Variants in TADA2B observed in about 807,000 individuals in gnomAD.
The protein encoded by TADA2B is transcriptional adapter 2-beta.
A neutral mutation model predicts 34.5 loss-of-function variants in TADA2B; 13 were observed. The ratio of observed to expected loss-of-function variants is 0.38; its 90% CI spans 0.25 to 0.60. The LOEUF is 0.60. Ranked by LOEUF, TADA2B falls within the 20% of genes least tolerant of loss-of-function variation. The pLI, the probability that TADA2B is intolerant of heterozygous loss-of-function variation, is 0.65. For missense variants in TADA2B, 442 were observed against 575.0 expected, an observed-to-expected ratio of 0.77 and a Z score of 2.37; for synonymous variants, 240 against 243.4, an observed-to-expected ratio of 0.99 and a Z score of 0.13.
intron 1 of TADA2B, among the ~76,000 whole-genome samples, chr4:7,044,188 G>T (rs758824990): frequency 7.9e-5 from 12 of 152,256 alleles, no homozygotes; most frequent in Admixed American, 3.3e-4. Context: ...TGCCTTACCT[G>T]AGTTCGTGGA....
chr4:7,054,247 C>T lies in TADA2B; in HGVS notation c.456C>T (p.Pro152=). 1.9e-6 allele frequency: 3 copies of T among 1,610,642 alleles called. No homozygotes were observed. The highest frequency in any genetic ancestry group is 1.7e-6 in the Non-Finnish European group (2 of 1,178,634). Residue 152 remains proline, a synonymous_variant, in exon 2 of 2, where the codon CCC becomes CCT. Transcript: ENST00000310074. ...CACCCAGCCTCACCACCCCGCTGCC[C>T]CCGCTGGACATCTCTGTGGCTGAGC... ...PLSPSLTTPL[P]PLDISVAEQQ...
At position 7,054,761 on chromosome 4, in the gene TADA2B, C is replaced by T. The variant is rs757960745; in HGVS notation, c.970C>T (p.Leu324=). ...GGAGAAGAGGAAGGAGAACAAAAAC[C>T]TAGCCGGCTCCAAACGGGGAAAGGA... The part of the protein sequence containing the change: ...KREKRKENKN[L]AGSKRGKEDG... The change falls in exon 2 of 2, where the codon CTA becomes TTA. Residue 324 remains leucine, a synonymous_variant. Coordinates refer to ENST00000310074, the MANE Select transcript of TADA2B (RefSeq NM_152293.3). The T allele has an allele frequency of 2.5e-6, 4 of 1,613,966 alleles. No homozygotes were observed. The highest frequency in any genetic ancestry group is 3.4e-6 in the Non-Finnish European group (4 of 1,179,894).
intron 1 of TADA2B, among the ~76,000 whole-genome samples, chr4:7,051,404 C>T (rs1377790191): frequency 6.6e-6 from 1 of 152,182 alleles, no homozygotes; most frequent in African/African-American, 2.4e-5. Context: ...CCTCCAATGT[C>T]TGGCTGGGTG....
rs1267136312 is a variant in TADA2B at position 7,043,698 on chromosome 4, C to T, written c.119C>T (p.Ala40Val). The change falls in exon 1 of 2, where the codon GCC (alanine) becomes GTC (valine). Residue 40 changes from alanine to valine, a missense_variant. Around this residue, in one of 4 missense-constraint regions of TADA2B, gnomAD observed 102 missense variants for 177.2 expected, o/e 0.58. Transcript: ENST00000310074. The stretch of plus-strand genomic sequence containing the variant: ...TGCCCCGAGTGCTTCTCGGCCGGCG[C>T]CGAGATCGGCCACCACCGCCGCTAC... ...ELCPECFSAG[A>V]EIGHHRRYHG... 5.7e-6 allele frequency: 9 copies of T among 1,586,510 alleles called. No individual in the cohort carries two copies. Among genetic ancestry groups the T allele is most frequent in the Non-Finnish European group, 6.8e-6 (8 of 1,171,102 alleles).
intron 1 of TADA2B, among the ~76,000 whole-genome samples, chr4:7,052,010 CT>C (rs1723783088): frequency 6.6e-6 from 1 of 152,258 alleles, no homozygotes; most frequent in Non-Finnish European, 1.5e-5. Flanking sequence ...ACTGACTCAC[CT>C]TGTGACCTTG....
At chr4:7,050,735 C>G (rs1357713815) in intron 1 of TADA2B, among the ~76,000 whole-genome samples, 1 of 152,236 alleles carries the variant, frequency 6.6e-6, no homozygotes, top group East Asian at 1.9e-4. Context: ...TCAGCCTGAG[C>G]TGTGGCACGT....
Position 7,055,065 on chromosome 4 carries a change from C to CT in TADA2B, c.*14dup. On this transcript the variant is annotated 3_prime_UTR_variant, in exon 2 of 2. Coordinates refer to ENST00000310074, the MANE Select transcript of TADA2B (RefSeq NM_152293.3). ...AGGGACGCGTCTTGAAGCTGAGACG[C>CT]TTTGAAAGCCAGGGTGATGCTCAGA... is the stretch of plus-strand genomic sequence containing the variant. 1 of 1,596,794 alleles carries CT rather than the reference C, an allele frequency of 6.3e-7. No homozygotes were observed. The highest frequency in any genetic ancestry group is 8.5e-7 in the Non-Finnish European group (1 of 1,172,656).
chr4:7,045,921 C>CT (rs1328536649), intron 1 of TADA2B: 2 of 152,264 alleles, frequency 1.3e-5, no homozygotes, highest in Non-Finnish European at 2.9e-5. Context: ...TAAAACAATA[C>CT]TTTCCGAACG....
chr4:7,057,383 C>T lies in TADA2B; in HGVS notation c.*2329C>T, dbSNP rs986665794. ...TGTGATTGGCTGCCTGTTAGCCCAT[C>T]GACTATTCCCGTCACGGTAGTCCTT... On this transcript the variant is annotated 3_prime_UTR_variant, in exon 2 of 2. Coordinates refer to ENST00000310074, the MANE Select transcript of TADA2B (RefSeq NM_152293.3). 2.6e-5 allele frequency: 4 copies of T among 152,244 alleles called. No homozygotes were observed. The highest frequency in any genetic ancestry group is 6.5e-5 in the Admixed American group (1 of 15,280). 9.4% of individuals were successfully genotyped at this position (152,244 alleles called of 1,614,324 possible).
intron 1 of TADA2B, among the ~76,000 whole-genome samples, chr4:7,051,499 G>A (rs1253326110): frequency 1.3e-5 from 2 of 152,204 alleles, no homozygotes; most frequent in East Asian, 1.9e-4. Context: ...AGCTGATGCC[G>A]ATGGGTTTGT....
At chr4:7,047,048 G>T (rs1470889908) in intron 1 of TADA2B, among the ~76,000 whole-genome samples, 1 of 152,156 alleles carries the variant, frequency 6.6e-6, no homozygotes, top group Non-Finnish European at 1.5e-5. Flanking sequence ...GAGTTGGCAA[G>T]CAGTGGCCTA....
In TADA2B at chr4:7,054,669, G is replaced by A. The variant is rs746850955; in HGVS notation, c.878G>A (p.Arg293Gln). Residue 293 changes from arginine to glutamine, a missense_variant, in exon 2 of 2, where the codon CGG (arginine) becomes CAG (glutamine). This residue lies in a region of TADA2B where 222 missense variants were observed against 235.2 expected (regional missense o/e 0.94). Coordinates refer to ENST00000310074, the MANE Select transcript of TADA2B (RefSeq NM_152293.3). The stretch of plus-strand genomic sequence containing the variant: ...CGGGCCAAGATCCGAGAACTGCAGC[G>A]GTACCGGCGAAACGGGATCACCAAG... Reference protein sequence around the residue: ...MLRAKIRELQRYRRNGITKME... With the variant: ...MLRAKIRELQQYRRNGITKME... 3 of 1,613,792 alleles carry A rather than the reference G, an allele frequency of 1.9e-6. No individual in the cohort carries two copies. The highest frequency in any genetic ancestry group is 2.5e-6 in the Non-Finnish European group (3 of 1,179,896).
chr4:7,054,419 G>C lies in TADA2B; in HGVS notation c.628G>C (p.Val210Leu). 1.2e-6 allele frequency: 2 copies of C among 1,613,684 alleles called. No individual in the cohort carries two copies. Among genetic ancestry groups the C allele is most frequent in the African/African-American group, 1.3e-5 (1 of 75,054 alleles). ...ELKRAHVDMY[V>L]RKLKERQRRK... ...GAAGCGCGCCCACGTGGACATGTAC[G>C]TGCGGAAGCTGAAAGAGAGACAGCG... is the stretch of plus-strand genomic sequence containing the variant. Residue 210 changes from valine (V) to leucine (L), a missense_variant, in exon 2 of 2, where the codon GTG (valine) becomes CTG (leucine). Physicochemically the swap from Val to Leu is conservative, Grantham distance 32 (BLOSUM62 1). Coordinates refer to ENST00000310074, the MANE Select transcript of TADA2B (RefSeq NM_152293.3).
At chr4:7,047,901 T>G (rs936815325) in intron 1 of TADA2B, among the ~76,000 whole-genome samples, 4 of 152,114 alleles carry the variant, frequency 2.6e-5, no homozygotes, top group Admixed American at 2.6e-4. Context: ...CCTGAGCAGG[T>G]GCTTTGACAC....
rs997978300 is a variant in TADA2B at position 7,056,136 on chromosome 4, C to T, written c.*1082C>T. On this transcript the variant is annotated 3_prime_UTR_variant, in exon 2 of 2. Transcript: ENST00000310074. ...ACTAGCCAGGCAAGAGCCGTCTGAC[C>T]AGTTGGCTGGCGGTGGTTCTGGTGG... The T allele has an allele frequency of 1.3e-5, 2 of 152,724 alleles. No homozygotes were observed. Among genetic ancestry groups the T allele is most frequent in the African/African-American group, 4.8e-5 (2 of 41,466 alleles). 9.5% of individuals were successfully genotyped at this position (152,724 alleles called of 1,614,324 possible). A position where few individuals can be genotyped will look rare whatever the true frequency, so the allele number is the denominator to read the frequency against.
rs766846018 is a variant in TADA2B at position 7,054,839 on chromosome 4, C to T, written c.1048C>T (p.Leu350Phe). 4 of 1,613,802 alleles carry T rather than the reference C, an allele frequency of 2.5e-6. No individual in the cohort carries two copies. Among genetic ancestry groups the T allele is most frequent in the Non-Finnish European group, 3.4e-6 (4 of 1,179,884 alleles). The part of the protein sequence containing the change: ...AAIENLPGFE[L>F]LSDREKVLCS... ...CATTGAGAACCTTCCAGGCTTCGAG[C>T]TCCTGTCAGATCGCGAGAAGGTGCT... Residue 350 changes from leucine (L) to phenylalanine (F), a missense_variant, in exon 2 of 2, where the codon CTC becomes TTC. By Grantham distance (22) the Leu-to-Phe change is conservative (BLOSUM62 0). This residue lies in a region of TADA2B where 114 missense variants were observed against 144.7 expected (regional missense o/e 0.79). Coordinates refer to ENST00000310074, the MANE Select transcript of TADA2B (RefSeq NM_152293.3).
chr4:7,054,345 T>G lies in TADA2B; in HGVS notation c.554T>G (p.Ile185Ser), dbSNP rs763808165. The G allele has an allele frequency of 6.2e-7, 1 of 1,613,450 alleles. No individual in the cohort carries two copies. Residue 185 changes from isoleucine (I) to serine (S), a missense_variant, in exon 2 of 2, where the codon ATC becomes AGC. Ile to Ser is a moderately radical substitution (Grantham distance 142, BLOSUM62 -2). Transcript: ENST00000310074. ...IEYDQDAETL[I>S]SGLSVNYDDD... ...TATGACCAGGATGCCGAGACGCTCATCAGCGGGCTCTCTGTCAACTATGAT... is the reference window on the plus strand; with the variant it reads ...TATGACCAGGATGCCGAGACGCTCAGCAGCGGGCTCTCTGTCAACTATGAT...
chr4:7,044,263 C>A (rs1363069719), intron 1 of TADA2B, among the ~76,000 whole-genome samples: 1 of 152,130 alleles, frequency 6.6e-6, no homozygotes, highest in Non-Finnish European at 1.5e-5. Context: ...GCGGTGGGCG[C>A]CCTGCGGCTT....
Position 7,043,564 on chromosome 4 carries a change from C to A in TADA2B, c.-16C>A. 1 of 1,232,716 alleles carries A rather than the reference C, an allele frequency of 8.1e-7. No individual in the cohort carries two copies. 76.4% of individuals were successfully genotyped at this position (1,232,716 alleles called of 1,614,324 possible). A position where few individuals can be genotyped will look rare whatever the true frequency, so the allele number is the denominator to read the frequency against. On this transcript the variant is annotated 5_prime_UTR_variant, in exon 1 of 2. Transcript: ENST00000310074. ...CGGCTGCGGCGGGCCGGGCGGCGGGCGGCGAGCGGGGGAAGATGGCGGAGC... is the reference window on the plus strand; with the variant it reads ...CGGCTGCGGCGGGCCGGGCGGCGGGAGGCGAGCGGGGGAAGATGGCGGAGC...
Sources: gnomAD v4.1 joint callset for allele counts (sites outside exome capture counted in the v4.1 genomes callset) on GRCh38, gnomAD v4.1.1 for gene constraint, gnomAD v4.1.1 regional missense constraint, MANE v1.5 for transcripts, NCBI Gene and HGNC (gene_info 2026-07-23, HGNC 2026-07-21) for gene names.